The following DNAH8 variants were observed in gnomAD, a reference collection of about 807,000 sequenced individuals.
The protein encoded by DNAH8 is dynein axonemal heavy chain 8.
Under a neutral mutation model 562.1 loss-of-function variants are expected in DNAH8, and 382 were observed. The observed-to-expected ratio is 0.68, with a 90% CI of 0.63 to 0.74. The LOEUF is 0.74. DNAH8 is among the 30% of genes least tolerant of loss of function. The pLI, the probability that DNAH8 is intolerant of heterozygous loss-of-function variation, is 0.00. For synonymous variants in DNAH8, 1,881 were observed against 1,919.4 expected (o/e 0.98, Z 0.52); for missense variants, 5,203 against 5,620.4 (o/e 0.93, Z 2.37).
intron 83 of DNAH8, among the ~76,000 whole-genome samples, 156 bp from the exon 84 acceptor site, chr6:38,973,505 C>T (rs1269917858): frequency 6.6e-6 from 1 of 152,108 alleles, no homozygotes; most frequent in African/African-American, 2.4e-5. Context: ...TTACTTGTAC[C>T]ATAGCAGGAG....
chr6:38,870,036 C>T (rs1176859822), intron 48 of DNAH8, among the ~76,000 whole-genome samples: 3 of 152,100 alleles, frequency 2.0e-5, no homozygotes, highest in East Asian at 3.9e-4. Context: ...CTTTACATGG[C>T]GGCAGGCAAG....
chr6:38,915,602 C>A (rs1054606267), intron 68 of DNAH8, among the ~76,000 whole-genome samples: 3 of 152,144 alleles, frequency 2.0e-5, no homozygotes, highest in Non-Finnish European at 4.4e-5. Context: ...TCCATGAGAA[C>A]TGAGAAATAA....
Position 38,931,968 on chromosome 6 carries a change from G to A in DNAH8, c.11432G>A (p.Arg3811Lys), listed in dbSNP as rs1378403556. The change falls in exon 76 of 93, where the codon AGG becomes AAG. Residue 3811 changes from arginine to lysine, a missense_variant. Around this residue, in one of 6 missense-constraint regions of DNAH8, gnomAD observed 1,399 missense variants for 1,518.4 expected, o/e 0.92. Coordinates refer to ENST00000327475, the MANE Select transcript of DNAH8 (RefSeq NM_001206927.2). ...AAAGGACTTGAGAATCAGTTACTAA[G>A]GAGAGTCATTCTAACAGAGAAACAG... ...TMKGLENQLLRRVILTEKQEL... is the reference protein window; with the variant it reads ...TMKGLENQLLKRVILTEKQEL... The A allele has an allele frequency of 1.2e-6, 2 of 1,603,196 alleles. No individual in the cohort carries two copies. The highest frequency in any genetic ancestry group is 1.3e-5 in the African/African-American group (1 of 74,326).
chr6:38,826,937 G>A (rs1773382477), intron 29 of DNAH8, among the ~76,000 whole-genome samples: 1 of 152,156 alleles, frequency 6.6e-6, no homozygotes, highest in East Asian at 1.9e-4. Flanking sequence ...AAACAACACA[G>A]ATCGTTTATT....
chr6:38,854,420 A>T (rs1357643070), intron 41 of DNAH8, among the ~76,000 whole-genome samples: 1 of 152,294 alleles, frequency 6.6e-6, no homozygotes, highest in East Asian at 1.9e-4. Context: ...TCCCAACCTG[A>T]GCTCCAAATC....
intron 10 of DNAH8, among the ~76,000 whole-genome samples, chr6:38,759,938 T>G (rs1479410951): frequency 1.3e-5 from 2 of 152,176 alleles, no homozygotes; most frequent in Non-Finnish European, 2.9e-5. Context: ...CAAGATCCCA[T>G]TGCAGTGGTC....
In DNAH8 at chr6:38,847,854, T is replaced by C. The variant is rs116046276; in HGVS notation, c.5046-794T>C. Among the ~76,000 whole-genome samples the C allele has an allele frequency of 4.0e-3, 606 of 152,316 alleles. 2 individuals are homozygous for C. The highest frequency in any genetic ancestry group is 0.014 in the African/African-American group (576 of 41,570). ...ATGGCATCCATTCTATTTCTTGTCC[T>C]CCTTTGTTGTGCTCAGCTTTCTGGA... is the stretch of plus-strand genomic sequence containing the variant. On this transcript the variant is annotated intron_variant, in intron 36 of 92. Coordinates refer to ENST00000327475, the MANE Select transcript of DNAH8 (RefSeq NM_001206927.2).
chr6:38,816,268 G>A (rs143949828), intron 26 of DNAH8, among the ~76,000 whole-genome samples: 2 of 152,088 alleles, frequency 1.3e-5, no homozygotes, highest in African/African-American at 2.4e-5. Flanking sequence ...TCCAGTATGT[G>A]TTGTTCCCCT....
intron 8 of DNAH8, among the ~76,000 whole-genome samples, chr6:38,750,160 A>G (rs1476470167): frequency 6.6e-6 from 1 of 152,210 alleles, no homozygotes; most frequent in African/African-American, 2.4e-5. Context: ...AACTTGACCC[A>G]TTCTTGAAGA....
intron 91 of DNAH8, among the ~76,000 whole-genome samples, chr6:39,020,112 T>G (rs1766814256): frequency 6.6e-6 from 1 of 152,130 alleles, no homozygotes; most frequent in Non-Finnish European, 1.5e-5. Context: ...AATTACATTT[T>G]TAAATGGGTT....
intron 37 of DNAH8, 109 bp downstream of exon 37, chr6:38,848,910 G>A (rs1269424221): frequency 2.8e-6 from 3 of 1,089,110 alleles, no homozygotes; most frequent in African/African-American, 1.6e-5. Flanking sequence ...CTATGATGGG[G>A]TTTGGCAAAC....
At chr6:38,786,988 G>T (rs1769219256) in intron 18 of DNAH8, 36 bp downstream of exon 18, 1 of 1,446,610 alleles carries the variant, frequency 6.9e-7, no homozygotes. Flanking sequence ...ATTTTTGAAG[G>T]AGTTTTTTGG....
At chr6:38,750,288 T>C (rs1765324493) in intron 8 of DNAH8, among the ~76,000 whole-genome samples, 188 bp from the exon 9 acceptor site, 2 of 152,238 alleles carry the variant, frequency 1.3e-5, no homozygotes, top group South Asian at 4.1e-4. Flanking sequence ...TCTTCAGTTT[T>C]AGTAATTCAT....
chr6:38,839,634 A>G (rs990137618), intron 33 of DNAH8, among the ~76,000 whole-genome samples: 8 of 151,384 alleles, frequency 5.3e-5, no homozygotes, highest in African/African-American at 1.9e-4. Context: ...TTGAGATTTC[A>G]GGTGTGAGCA....
At chr6:38,781,801 G>C (rs1295871167) in intron 16 of DNAH8, among the ~76,000 whole-genome samples, 1 of 152,142 alleles carries the variant, frequency 6.6e-6, no homozygotes, top group Admixed American at 6.5e-5. Flanking sequence ...CTGCCACTGA[G>C]AGCGGAATAT....
chr6:38,829,525 G>A (rs1420351859), intron 30 of DNAH8, among the ~76,000 whole-genome samples: 1 of 152,116 alleles, frequency 6.6e-6, no homozygotes. Flanking sequence ...GTATAAGTTA[G>A]GGATTCGACT....
At chr6:38,756,572 A>G (rs1176150864) in intron 10 of DNAH8, among the ~76,000 whole-genome samples, 1 of 152,032 alleles carries the variant, frequency 6.6e-6, no homozygotes, top group Non-Finnish European at 1.5e-5. Flanking sequence ...CATAATGTGC[A>G]GGTTAGTTAC....
At chr6:38,946,464 T>C (rs78951616) in intron 80 of DNAH8, among the ~76,000 whole-genome samples, 7,479 of 152,312 alleles carry the variant, frequency 0.049, 445 homozygotes, top group African/African-American at 0.14. Flanking sequence ...AGCTTTGTTT[T>C]GTAGTACAAC....
intron 8 of DNAH8, among the ~76,000 whole-genome samples, chr6:38,742,687 C>T (rs931518435): frequency 6.6e-6 from 1 of 152,008 alleles, no homozygotes; most frequent in Non-Finnish European, 1.5e-5. Context: ...TTAAGCAGTA[C>T]GAATAAAACA....
Sources: allele counts gnomAD v4.1 joint callset (sites outside exome capture counted in the v4.1 genomes callset), GRCh38; gene constraint gnomAD v4.1.1; regional missense constraint gnomAD v4.1.1; transcripts MANE v1.5; gene names NCBI Gene and HGNC (gene_info 2026-07-23, HGNC 2026-07-21).